D2HGDH: variants seen among roughly 807,000 people sequenced by gnomAD.
D2HGDH encodes D-2-hydroxyglutarate dehydrogenase.
In D2HGDH, 31 loss-of-function variants were observed where a neutral mutation model predicts 46.9. The ratio of observed to expected loss-of-function variants is 0.66; its 90% CI spans 0.50 to 0.89. The LOEUF (loss-of-function observed/expected upper bound fraction) is 0.89. Ranked by LOEUF, D2HGDH falls within the 40% of genes least tolerant of loss-of-function variation. The probability of loss-of-function intolerance (pLI) is 0.00; values close to 1 mark genes in which losing one functional copy is unlikely to be tolerated. For missense variants in D2HGDH, 698 were observed against 720.8 expected (o/e 0.97, Z 0.36); for synonymous variants, 364 against 332.6 (o/e 1.09, Z -1.03).
chr2:241,743,213 GGC>G lies in D2HGDH; in HGVS notation c.491-406_491-405del, dbSNP rs2125075947. ...CCAGGCCCCGGTCACTCTGTGGTCG[GGC>G]GCCTGCACTGTTGGGTGTTGAGCAG... On this transcript the variant is annotated intron_variant, in intron 4 of 9. Coordinates refer to ENST00000321264, the MANE Select transcript of D2HGDH (RefSeq NM_152783.5). This position sits in a 1 kb window ranked among gnomAD's most constrained non-coding sequence, Gnocchi z 4.8. Among the ~76,000 whole-genome samples the G allele has an allele frequency of 6.6e-6, 1 of 152,310 alleles. No individual in the cohort carries two copies. Among genetic ancestry groups the G allele is most frequent in the South Asian group, 2.1e-4 (1 of 4,832 alleles).
Position 241,767,981 on chromosome 2 carries a change from G to A in D2HGDH, c.*12G>A. ...CCAGCCAGGCCTGACGGCCACTCCT[G>A]CTGCTGCCAAGGCCCACTGGGGGTC... On this transcript the variant is annotated 3_prime_UTR_variant, in exon 10 of 10. Transcript: ENST00000321264. The A allele has an allele frequency of 1.9e-6, 3 of 1,580,596 alleles. No individual in the cohort carries two copies. In the South Asian group the frequency reaches 3.4e-5, roughly 18 times the overall value.
chr2:241,750,034 G>A (rs1394509093), intron 6 of D2HGDH, 117 bp from the exon 7 acceptor site: 21 of 1,509,684 alleles, frequency 1.4e-5, no homozygotes, highest in East Asian at 2.3e-5. Flanking sequence ...CGTGCTCCTC[G>A]TGGCTGCCCA....
chr2:241,740,975 A>C (rs2125055864), intron 2 of D2HGDH, 58 bp from the exon 3 acceptor site: 1 of 1,439,098 alleles, frequency 6.9e-7, no homozygotes. Context: ...GCGAGTGACC[A>C]CTTGCCTCAT....
At chr2:241,739,830 G>A (rs1380445862) in intron 2 of D2HGDH, among the ~76,000 whole-genome samples, 1 of 152,222 alleles carries the variant, frequency 6.6e-6, no homozygotes, top group Non-Finnish European at 1.5e-5. Context: ...AGAGCGAAGG[G>A]AAAGCCCTCC....
intron 6 of D2HGDH, among the ~76,000 whole-genome samples, chr2:241,747,871 C>CT (rs938331955): frequency 6.6e-6 from 1 of 151,800 alleles, no homozygotes; most frequent in African/African-American, 2.4e-5. Flanking sequence ...CTCCATTCTG[C>CT]TTTTTTCTCA....
chr2:241,755,795 C>T (rs777229971), intron 8 of D2HGDH, 54 bp from the exon 9 acceptor site: 2 of 1,610,198 alleles, frequency 1.2e-6, no homozygotes, highest in South Asian at 2.2e-5. Flanking sequence ...TGCCCCCTGT[C>T]CCCGGGTGTC....
intron 9 of D2HGDH, among the ~76,000 whole-genome samples, chr2:241,760,755 G>C (rs1045390344): frequency 6.6e-6 from 1 of 152,272 alleles, no homozygotes; most frequent in Non-Finnish European, 1.5e-5. Flanking sequence ...TTAAGGAAGA[G>C]AGGATTCTGA....
At chr2:241,757,341 T>C (rs1315098847) in intron 9 of D2HGDH, among the ~76,000 whole-genome samples, 1 of 151,454 alleles carries the variant, frequency 6.6e-6, no homozygotes, top group Non-Finnish European at 1.5e-5. Flanking sequence ...AAGGGCATGA[T>C]GAGTGTGTCA....
At chr2:241,758,841 G>A (rs1032097729) in intron 9 of D2HGDH, among the ~76,000 whole-genome samples, 2 of 150,038 alleles carry the variant, frequency 1.3e-5, no homozygotes, top group African/African-American at 2.5e-5. Context: ...AGCCAGTTGT[G>A]TGGCCGGACC....
In D2HGDH at chr2:241,742,901, G is replaced by A. The variant is rs1447045181; in HGVS notation, c.490+327G>A. Reference sequence around the variant, plus strand: ...GCATGAGGGGATCCTGACCCAGGGCGCCAGGGCGTGGCAGGCGTGAGGGGA... The same window carrying A: ...GCATGAGGGGATCCTGACCCAGGGCACCAGGGCGTGGCAGGCGTGAGGGGA... On this transcript the variant is annotated intron_variant, in intron 4 of 9. Coordinates refer to ENST00000321264, the MANE Select transcript of D2HGDH (RefSeq NM_152783.5). This position sits in a 1 kb window ranked among gnomAD's most constrained non-coding sequence, Gnocchi z 4.8. Among the ~76,000 whole-genome samples the A allele has an allele frequency of 2.0e-5, 3 of 148,244 alleles. No individual in the cohort carries two copies. The highest frequency in any genetic ancestry group is 5.0e-5 in the African/African-American group (2 of 39,722).
chr2:241,758,043 G>A (rs939091399), intron 9 of D2HGDH, among the ~76,000 whole-genome samples: 11 of 152,108 alleles, frequency 7.2e-5, no homozygotes, highest in Non-Finnish European at 1.0e-4. Flanking sequence ...GTGCTTGTCT[G>A]CCTGTAATCA....
At chr2:241,749,415 C>G in intron 6 of D2HGDH, 1 of 1,237,122 alleles carries the variant, frequency 8.1e-7, no homozygotes, top group South Asian at 1.4e-5. Flanking sequence ...CACGGGCCCC[C>G]TCCTGCTGCA....
chr2:241,735,328 G>T lies in D2HGDH; in HGVS notation c.104G>T (p.Gly35Val). 6.5e-7 allele frequency: 1 copy of T among 1,543,752 alleles called. No individual in the cohort carries two copies. The stretch of plus-strand genomic sequence containing the variant: ...CCGGTTGGCCCCCTGGCCCGCAGAG[G>T]CTGCTGCTCCGCCCCGGGGACCCCC... ...GRPVGPLARR[G>V]CCSAPGTPEV... Residue 35 changes from glycine (G) to valine (V), a missense_variant, in exon 2 of 10, where the codon GGC becomes GTC. Gly to Val is a moderately radical substitution (Grantham distance 109). Coordinates refer to ENST00000321264, the MANE Select transcript of D2HGDH (RefSeq NM_152783.5).
At position 241,768,104 on chromosome 2, in the gene D2HGDH, GC is replaced by G; in HGVS notation, c.*136del. On this transcript the variant is annotated 3_prime_UTR_variant, in exon 10 of 10. Transcript: ENST00000321264. ...ACCTGGTTGAAGGGACTGGGAGCCC[GC>G]ACTGGGGAACTGCCGGACGCAGGCC... 1.5e-6 allele frequency: 2 copies of G among 1,315,480 alleles called. No individual in the cohort carries two copies. Among genetic ancestry groups the G allele is most frequent in the Non-Finnish European group, 2.0e-6 (2 of 986,830 alleles). The allele number at this position is 1,315,480 out of a possible 1,614,324, so 81.5% of individuals were successfully genotyped here.
At chr2:241,739,867 G>A (rs1241151978) in intron 2 of D2HGDH, among the ~76,000 whole-genome samples, 2 of 152,264 alleles carry the variant, frequency 1.3e-5, no homozygotes, top group Non-Finnish European at 2.9e-5. Context: ...CTAAGAGGCC[G>A]GGCGCGGCGA....
chr2:241,759,836 T>C (rs1698573958), intron 9 of D2HGDH, among the ~76,000 whole-genome samples: 2 of 152,278 alleles, frequency 1.3e-5, no homozygotes, highest in African/African-American at 2.4e-5. Flanking sequence ...TCAGAGTCAC[T>C]ATCTTCCTCC....
Position 241,743,936 on chromosome 2 carries a change from G to T in D2HGDH, c.684+121G>T. Reference sequence around the variant, plus strand: ...TCGGGGTGGGAGGTCTTGGTTCCTGGCCCTGGGCCCCTCAAGGATGTGTGG... The same window carrying T: ...TCGGGGTGGGAGGTCTTGGTTCCTGTCCCTGGGCCCCTCAAGGATGTGTGG... On this transcript the variant is annotated intron_variant, in intron 5 of 9. Transcript: ENST00000321264. The surrounding 1 kb of genome is among the most constrained non-coding windows in gnomAD (Gnocchi z 4.8). 8.8e-7 allele frequency: 1 copy of T among 1,133,170 alleles called. No homozygotes were observed. The highest frequency in any genetic ancestry group is 1.3e-6 in the Non-Finnish European group (1 of 792,448). 70.2% of individuals were successfully genotyped at this position (1,133,170 alleles called of 1,614,324 possible). A position where few individuals can be genotyped will look rare whatever the true frequency, so the allele number is the denominator to read the frequency against.
intron 9 of D2HGDH, among the ~76,000 whole-genome samples, chr2:241,759,364 G>T (rs889505082): frequency 6.6e-6 from 1 of 152,184 alleles, no homozygotes; most frequent in African/African-American, 2.4e-5. Context: ...CATGAGGTTC[G>T]TCTCTTTGTT....
chr2:241,744,880 G>A lies in D2HGDH; in HGVS notation c.853+3G>A. 1 of 1,614,116 alleles carries A rather than the reference G, an allele frequency of 6.2e-7. No homozygotes were observed. Among genetic ancestry groups the A allele is most frequent in the Non-Finnish European group, 8.5e-7 (1 of 1,179,964 alleles). On this transcript the variant is annotated splice_donor_region_variant and intron_variant, in intron 6 of 9. Coordinates refer to ENST00000321264, the MANE Select transcript of D2HGDH (RefSeq NM_152783.5). ...GGCTGTGAACGTGGCTTTCCTCGGT[G>A]GGCTTCCTCGATGTGTGCCTTGAGA... is the stretch of plus-strand genomic sequence containing the variant.
Sources: allele counts gnomAD v4.1 joint callset (sites outside exome capture counted in the v4.1 genomes callset), GRCh38; gene constraint gnomAD v4.1.1; non-coding constraint Gnocchi (gnomAD v3.1); transcripts MANE v1.5; gene names NCBI Gene and HGNC (gene_info 2026-07-23, HGNC 2026-07-21).